LRRIQ1: variants seen among roughly 807,000 people sequenced by gnomAD.
LRRIQ1 encodes leucine rich repeats and IQ motif containing 1.
LRRIQ1 carries 210 observed loss-of-function variants against 211.9 expected under a neutral mutation model. That is an observed-to-expected ratio of 0.99 (90% confidence interval 0.89 to 1.11). LRRIQ1 has a LOEUF of 1.11. LRRIQ1 is among the 50% of genes most tolerant of loss of function. The pLI, the probability that LRRIQ1 is intolerant of heterozygous loss-of-function variation, is 0.00. For missense variants in LRRIQ1, 2,136 were observed against 1,939.5 expected (o/e 1.10, Z -1.90); for synonymous variants, 699 against 650.1 (o/e 1.08, Z -1.14).
chr12:85,119,710 G>A (rs1887834506), intron 15 of LRRIQ1, among the ~76,000 whole-genome samples: 1 of 152,000 alleles, frequency 6.6e-6, no homozygotes, highest in Non-Finnish European at 1.5e-5. Flanking sequence ...TATTCTAATA[G>A]GTACGTAGTG....
intron 23 of LRRIQ1, among the ~76,000 whole-genome samples, chr12:85,154,395 A>G (rs1200259999): frequency 6.6e-6 from 1 of 151,274 alleles, no homozygotes; most frequent in Non-Finnish European, 1.5e-5. Context: ...ATTTTGGCAA[A>G]TGTTGACTCT....
At chr12:85,119,998 G>A (rs1016292837) in intron 15 of LRRIQ1, among the ~76,000 whole-genome samples, 12 of 152,044 alleles carry the variant, frequency 7.9e-5, no homozygotes, top group African/African-American at 2.4e-4. Flanking sequence ...CTTTCATACA[G>A]TAGAAAATTT....
At chr12:85,197,963 T>TAA (rs1215891849) in intron 24 of LRRIQ1, among the ~76,000 whole-genome samples, 13 of 107,618 alleles carry the variant, frequency 1.2e-4, no homozygotes, top group Non-Finnish European at 2.3e-4. Context: ...TTATATATTA[T>TAA]ATATAAATAT....
intron 15 of LRRIQ1, among the ~76,000 whole-genome samples, chr12:85,116,542 A>G (rs1887594771): frequency 6.6e-6 from 1 of 152,122 alleles, no homozygotes; most frequent in South Asian, 2.1e-4. Flanking sequence ...CAAAGACAGC[A>G]GTTTTCTTTT....
chr12:85,196,778 A>G (rs1056316363), intron 24 of LRRIQ1, among the ~76,000 whole-genome samples: 2 of 151,560 alleles, frequency 1.3e-5, no homozygotes, highest in African/African-American at 4.8e-5. Flanking sequence ...CAAGGACTTC[A>G]TGTCCAAAAC....
At chr12:85,184,273 A>G (rs1197740805) in intron 24 of LRRIQ1, among the ~76,000 whole-genome samples, 1 of 152,016 alleles carries the variant, frequency 6.6e-6, no homozygotes, top group African/African-American at 2.4e-5. Context: ...TGATTTTATC[A>G]CCAGATGTCT....
chr12:85,195,628 C>A (rs976575503), intron 24 of LRRIQ1, among the ~76,000 whole-genome samples: 8 of 151,528 alleles, frequency 5.3e-5, no homozygotes, highest in Non-Finnish European at 7.4e-5. Flanking sequence ...TTCAACAACC[C>A]TTCATGCTAA....
At chr12:85,054,121 C>T (rs1310526932) in intron 7 of LRRIQ1, among the ~76,000 whole-genome samples, 2 of 152,140 alleles carry the variant, frequency 1.3e-5, no homozygotes, top group African/African-American at 4.8e-5. Flanking sequence ...TTTATACATT[C>T]ATCCACACAT....
At chr12:85,272,547 C>T in the LRRIQ1 span, among the ~76,000 whole-genome samples, 1 of 151,758 alleles carries the variant, frequency 6.6e-6, no homozygotes, top group African/African-American at 2.4e-5. Flanking sequence ...TGTTTGAAAC[C>T]TCACAAAGAA....
chr12:85,219,588 GT>G (rs1479471285), intron 24 of LRRIQ1, among the ~76,000 whole-genome samples: 6 of 150,822 alleles, frequency 4.0e-5, no homozygotes, highest in East Asian at 3.9e-4. Context: ...TTTCATTTTA[GT>G]TTTTTTTTCC....
Position 85,055,668 on chromosome 12 carries a change from C to G in LRRIQ1, c.875C>G (p.Ala292Gly). ...AATAATGCAGCTGTTAAAATTCAAG[C>G]TAAATATAAAGCATTTGTTGCCTAT... is the stretch of plus-strand genomic sequence containing the variant. ...QQNNAAVKIQ[A>G]KYKAFVAYQK... is the part of the protein sequence containing the mutation. Residue 292 changes from alanine to glycine, a missense_variant, in exon 8 of 27, where the codon GCT becomes GGT. By Grantham distance (60) the Ala-to-Gly change is moderately conservative (BLOSUM62 0). Coordinates refer to ENST00000393217, the MANE Select transcript of LRRIQ1 (RefSeq NM_001079910.2). 6.2e-7 allele frequency: 1 copy of G among 1,601,924 alleles called. No individual in the cohort carries two copies. Among genetic ancestry groups the G allele is most frequent in the Non-Finnish European group, 8.5e-7 (1 of 1,176,066 alleles).
chr12:85,073,120 T>A, intron 11 of LRRIQ1, 22 bp downstream of exon 11: 1 of 1,545,676 alleles, frequency 6.5e-7, no homozygotes, highest in Middle Eastern at 1.8e-4. Context: ...TTATTTTTTA[T>A]TTTGTTACTC....
At chr12:85,093,568 A>G (rs556126354) in intron 11 of LRRIQ1, among the ~76,000 whole-genome samples, 1 of 152,288 alleles carries the variant, frequency 6.6e-6, no homozygotes, top group South Asian at 2.1e-4. Context: ...GAGCCACTCC[A>G]AAGATTTATT....
In LRRIQ1 at chr12:85,106,541, A is replaced by G. The variant is rs766579677; in HGVS notation, c.3303A>G (p.Lys1101=). ...CTGTAGATCTTAAAAGTGCCATAAA[A>G]TGGTTTGATGCATGCTATTCTCTCC... ...NCLSDLKSAI[K]WFDACYSLHE... Residue 1101 remains lysine, a synonymous_variant, in exon 15 of 27, where the codon AAA becomes AAG. Coordinates refer to ENST00000393217, the MANE Select transcript of LRRIQ1 (RefSeq NM_001079910.2). The G allele has an allele frequency of 2.5e-5, 41 of 1,609,588 alleles. No individual in the cohort carries two copies. The highest frequency in any genetic ancestry group is 3.2e-5 in the Non-Finnish European group (38 of 1,177,830).
intron 23 of LRRIQ1, 83 bp from the exon 24 acceptor site, chr12:85,160,530 C>A: frequency 5.5e-6 from 4 of 725,734 alleles, no homozygotes; most frequent in Non-Finnish European, 9.0e-6. Flanking sequence ...TTTTTTACTA[C>A]CACCATATAA....
chr12:85,170,243 A>C (rs1391557142), intron 24 of LRRIQ1, among the ~76,000 whole-genome samples: 1 of 133,242 alleles, frequency 7.5e-6, no homozygotes. Context: ...ATTCCAAAGT[A>C]TGTATTTGTA....
At chr12:85,058,679 A>T (rs1881422125) in intron 8 of LRRIQ1, among the ~76,000 whole-genome samples, 1 of 151,984 alleles carries the variant, frequency 6.6e-6, no homozygotes, top group South Asian at 2.1e-4. Flanking sequence ...ACATAAAATG[A>T]TAATTAACTC....
At chr12:85,037,699 A>C (rs2135847657) in intron 1 of LRRIQ1, among the ~76,000 whole-genome samples, 1 of 152,176 alleles carries the variant, frequency 6.6e-6, no homozygotes, top group African/African-American at 2.4e-5. Context: ...AAAGAAAGAA[A>C]GGTTTAAACT....
chr12:85,103,842 G>A (rs1279327247), intron 13 of LRRIQ1, among the ~76,000 whole-genome samples, 162 bp from the exon 14 acceptor site: 1 of 151,320 alleles, frequency 6.6e-6, no homozygotes, highest in Non-Finnish European at 1.5e-5. Context: ...GTTAGCAAGT[G>A]CTATAATTTT....
Sources: gnomAD v4.1 joint callset for allele counts (sites outside exome capture counted in the v4.1 genomes callset) on GRCh38, gnomAD v4.1.1 for gene constraint, MANE v1.5 for transcripts, NCBI Gene and HGNC (gene_info 2026-07-23, HGNC 2026-07-21) for gene names.